The following KLHL29 variants were observed in gnomAD, a reference collection of about 807,000 sequenced individuals.
The protein encoded by KLHL29 is kelch-like protein 29.
Under a neutral mutation model 80.4 loss-of-function variants are expected in KLHL29, and 21 were observed. The ratio of observed to expected loss-of-function variants is 0.26; its 90% CI spans 0.19 to 0.38. KLHL29 has a LOEUF of 0.38. Ranked by LOEUF, KLHL29 falls within the 10% of genes least tolerant of loss-of-function variation. The pLI, the probability that KLHL29 is intolerant of heterozygous loss-of-function variation, is 1.00. For missense variants in KLHL29, 867 were observed against 1,223.9 expected, an observed-to-expected ratio of 0.71 and a Z score of 4.35; for synonymous variants, 511 against 526.8, an observed-to-expected ratio of 0.97 and a Z score of 0.41.
intron 2 of KLHL29, among the ~76,000 whole-genome samples, chr2:23,511,935 T>C (rs537092158): frequency 6.6e-6 from 1 of 152,274 alleles, no homozygotes; most frequent in Non-Finnish European, 1.5e-5. Context: ...TCACCCCACC[T>C]GTCTTCCGAT....
At chr2:23,646,288 C>T (rs977507979) in intron 5 of KLHL29, among the ~76,000 whole-genome samples, 4 of 152,210 alleles carry the variant, frequency 2.6e-5, no homozygotes, top group African/African-American at 7.2e-5. Flanking sequence ...CCCAGCTGTG[C>T]GTGCCTGATG....
rs1217015891 is a variant in KLHL29, at chr2:23,457,093, C to G, written c.-153-18467C>G. On this transcript the variant is annotated intron_variant, in intron 1 of 13. Coordinates refer to ENST00000486442, the MANE Select transcript of KLHL29 (RefSeq NM_052920.2). This position sits in a 1 kb window ranked among gnomAD's most constrained non-coding sequence, Gnocchi z 4.3. ...GCATCTGCTGAGACCCTCCCTTGTG[C>G]CAGGCCCTGTGCCTTCCCGACGCCG... Among the ~76,000 whole-genome samples, 1 of 152,240 alleles carries G rather than the reference C, an allele frequency of 6.6e-6. No homozygotes were observed. The highest frequency in any genetic ancestry group is 1.5e-5 in the Non-Finnish European group (1 of 68,042).
rs77754607 is a variant in KLHL29, at chr2:23,519,207, C to T, written c.-45-42945C>T. Among the ~76,000 whole-genome samples, 331 of 152,300 alleles carry T rather than the reference C, an allele frequency of 2.2e-3. 2 individuals are homozygous for T. Among genetic ancestry groups the T allele is most frequent in the African/African-American group, 7.7e-3 (319 of 41,562 alleles). On this transcript the variant is annotated intron_variant, in intron 2 of 13. Coordinates refer to ENST00000486442, the MANE Select transcript of KLHL29 (RefSeq NM_052920.2). ...CCTAGGTAAACTGACACTGACCCTC[C>T]GCTAGTCAGTCTTGGACCCGTCCAC... is the stretch of plus-strand genomic sequence containing the variant.
chr2:23,598,310 A>G (rs888078998), intron 3 of KLHL29, among the ~76,000 whole-genome samples: 3 of 152,222 alleles, frequency 2.0e-5, no homozygotes, highest in African/African-American at 7.2e-5. Flanking sequence ...TTTGCAAAGT[A>G]ACTGATCTTG....
chr2:23,448,817 A>C (rs954601343), intron 1 of KLHL29, among the ~76,000 whole-genome samples: 1 of 152,174 alleles, frequency 6.6e-6, no homozygotes, highest in African/African-American at 2.4e-5. Context: ...GAACGGCAGA[A>C]TCTACCACCG....
At chr2:23,410,316 TA>T (rs1159068666) in intron 1 of KLHL29, among the ~76,000 whole-genome samples, 1 of 147,220 alleles carries the variant, frequency 6.8e-6, no homozygotes, top group African/African-American at 2.5e-5. Context: ...TGGAGACAGG[TA>T]AATGGGCAGG....
chr2:23,431,845 C>T (rs1183536191), intron 1 of KLHL29, among the ~76,000 whole-genome samples: 1 of 145,996 alleles, frequency 6.8e-6, no homozygotes, highest in Non-Finnish European at 1.5e-5. Context: ...AGTAGTCAGC[C>T]GAGCCGAGAT....
chr2:23,548,056 C>A (rs889914429), intron 2 of KLHL29, among the ~76,000 whole-genome samples: 1 of 109,534 alleles, frequency 9.1e-6, no homozygotes, highest in African/African-American at 3.7e-5. Flanking sequence ...ATCAGTGGAA[C>A]CCCCGGACTA....
chr2:23,477,663 G>A (rs1377607248), intron 2 of KLHL29, among the ~76,000 whole-genome samples: 1 of 152,262 alleles, frequency 6.6e-6, no homozygotes, highest in African/African-American at 2.4e-5. Flanking sequence ...GATATCGCCG[G>A]CACTGGGGAA....
chr2:23,538,887 T>C (rs1342246173), intron 2 of KLHL29, among the ~76,000 whole-genome samples: 1 of 152,212 alleles, frequency 6.6e-6, no homozygotes, highest in Non-Finnish European at 1.5e-5. Flanking sequence ...GCACACAAAA[T>C]CTCGTTCTTT....
chr2:23,394,713 A>G (rs532910957), intron 1 of KLHL29, among the ~76,000 whole-genome samples: 8 of 152,364 alleles, frequency 5.3e-5, no homozygotes, highest in African/African-American at 1.7e-4. Flanking sequence ...AGGTCCAGCT[A>G]ATTTTCTTTT....
intron 2 of KLHL29, among the ~76,000 whole-genome samples, chr2:23,525,665 A>G (rs1035997928): frequency 6.6e-6 from 1 of 151,632 alleles, no homozygotes; most frequent in African/African-American, 2.4e-5. Flanking sequence ...TGGGAAGAGT[A>G]AGGCATGGAA....
At position 23,688,400 on chromosome 2, in the gene KLHL29, T is replaced by C. The variant is rs1671376678; in HGVS notation, c.1080-3274T>C. 2.0e-5 allele frequency among the ~76,000 whole-genome samples: 3 copies of C among 152,240 alleles called. No homozygotes were observed. In the South Asian group the frequency reaches 6.2e-4, roughly 32 times the overall value. On this transcript the variant is annotated intron_variant, in intron 6 of 13. Transcript: ENST00000486442. Reference sequence around the variant, plus strand: ...GCTCCAGACAGTGCCCAGTTCCAACTTGCAAAATGAAAACATCTGATCTCT... The same window carrying C: ...GCTCCAGACAGTGCCCAGTTCCAACCTGCAAAATGAAAACATCTGATCTCT...
intron 2 of KLHL29, among the ~76,000 whole-genome samples, chr2:23,551,755 G>A (rs368832114): frequency 6.6e-6 from 1 of 152,212 alleles, no homozygotes; most frequent in Non-Finnish European, 1.5e-5. Context: ...ACTTGCATGT[G>A]AGTGGATCCT....
In KLHL29 at chr2:23,433,790, A is replaced by T. The variant is rs529952792; in HGVS notation, c.-153-41770A>T. ...TAAAAATTGCTGGGCATGGTGGTGCACACCTGTAGTCCGAGCTATTCCGGA... is the reference window on the plus strand; with the variant it reads ...TAAAAATTGCTGGGCATGGTGGTGCTCACCTGTAGTCCGAGCTATTCCGGA... On this transcript the variant is annotated intron_variant, in intron 1 of 13. Transcript: ENST00000486442. Among the ~76,000 whole-genome samples, 4 of 152,264 alleles carry T rather than the reference A, an allele frequency of 2.6e-5. 1 individual carries two copies. In the South Asian group the frequency reaches 8.3e-4, roughly 32 times the overall value.
chr2:23,432,524 T>A (rs7608780), intron 1 of KLHL29, among the ~76,000 whole-genome samples: 67,097 of 152,176 alleles, frequency 0.44, 15,491 homozygotes, highest in African/African-American at 0.58. Context: ...CTTGCACTTC[T>A]GGAAAAGGGG....
chr2:23,680,384 G>C lies in KLHL29; in HGVS notation c.941-4015G>C, dbSNP rs1671049344. Reference sequence around the variant, plus strand: ...AGGAGGAAGTGGGGAAAGGGGCAAAGAGGCCTGGGACAAAAATCTGAGCAT... The same window carrying C: ...AGGAGGAAGTGGGGAAAGGGGCAAACAGGCCTGGGACAAAAATCTGAGCAT... On this transcript the variant is annotated intron_variant, in intron 5 of 13. Coordinates refer to ENST00000486442, the MANE Select transcript of KLHL29 (RefSeq NM_052920.2). This position sits in a 1 kb window ranked among gnomAD's most constrained non-coding sequence, Gnocchi z 4.1. 6.6e-6 allele frequency among the ~76,000 whole-genome samples: 1 copy of C among 152,178 alleles called. No homozygotes were observed. Among genetic ancestry groups the C allele is most frequent in the African/African-American group, 2.4e-5 (1 of 41,438 alleles).
At chr2:23,637,270 G>A (rs747718428) in intron 3 of KLHL29, among the ~76,000 whole-genome samples, 1 of 152,200 alleles carries the variant, frequency 6.6e-6, no homozygotes. Context: ...TACAGCGAAG[G>A]CTGTGGAGTG....
intron 1 of KLHL29, among the ~76,000 whole-genome samples, chr2:23,409,179 A>G (rs1479384297): frequency 6.6e-6 from 1 of 152,208 alleles, no homozygotes; most frequent in African/African-American, 2.4e-5. Flanking sequence ...AGGACTTTCC[A>G]TTCGCAGCAC....
Sources: gnomAD v4.1 joint callset for allele counts (sites outside exome capture counted in the v4.1 genomes callset) on GRCh38, gnomAD v4.1.1 for gene constraint, Gnocchi (gnomAD v3.1) non-coding constraint, MANE v1.5 for transcripts, NCBI Gene and HGNC (gene_info 2026-07-23, HGNC 2026-07-21) for gene names.